EXTL3: variants seen among roughly 807,000 people sequenced by gnomAD.
EXTL3 encodes the protein exostosin-like 3.
In EXTL3, 27 loss-of-function variants were observed where a neutral mutation model predicts 69.3. That is an observed-to-expected ratio of 0.39 (90% CI 0.29 to 0.54). The LOEUF (loss-of-function observed/expected upper bound fraction) is 0.54. Ranked by LOEUF, EXTL3 falls within the 20% of genes least tolerant of loss-of-function variation. The pLI is 0.69. For synonymous variants in EXTL3, 511 were observed against 499.4 expected (o/e 1.02, Z -0.31); for missense variants, 1,003 against 1,231.8 (o/e 0.81, Z 2.78).
At chr8:28,720,639 G>A (rs1383543541) in intron 3 of EXTL3, among the ~76,000 whole-genome samples, 1 of 152,212 alleles carries the variant, frequency 6.6e-6, no homozygotes, top group African/African-American at 2.4e-5. Flanking sequence ...AATGCTCTGT[G>A]TAAAGAGAAC....
rs914286539 is a variant in EXTL3 at position 28,623,503 on chromosome 8, G to A, written c.-53+693G>A. Among the ~76,000 whole-genome samples the A allele has an allele frequency of 6.6e-6, 1 of 152,196 alleles. No individual in the cohort carries two copies. ...TTTTGTTGGTGTTTGTCCTCAGCCT[G>A]TTTCTGGGTCACCCTGCAGGGCTCC... On this transcript the variant is annotated intron_variant, in intron 1 of 6. Transcript: ENST00000523149. The surrounding 1 kb of genome is among the most constrained non-coding windows in gnomAD (Gnocchi z 4.2).
intron 5 of EXTL3, among the ~76,000 whole-genome samples, chr8:28,738,935 G>T (rs911478411): frequency 6.6e-6 from 1 of 152,132 alleles, no homozygotes; most frequent in African/African-American, 2.4e-5. Flanking sequence ...CATGGTTCTG[G>T]TGCCTCCACT....
Position 28,650,069 on chromosome 8 carries a change from A to G in EXTL3, c.-53+27259A>G, listed in dbSNP as rs556485442. 1.1e-3 allele frequency among the ~76,000 whole-genome samples: 174 copies of G among 151,716 alleles called. 5 individuals are homozygous for G. The highest frequency in any genetic ancestry group is 0.011 in the Admixed American group (173 of 15,210). ...AAATTAGCTGAGTGTGGTGGCGCAC[A>G]CCTATAATCCCAGCTACTCTGGAGG... On this transcript the variant is annotated intron_variant, in intron 1 of 6. Transcript: ENST00000523149.
chr8:28,611,371 T>C (rs777531798), intron 2 of EXTL3, among the ~76,000 whole-genome samples: 2 of 152,074 alleles, frequency 1.3e-5, no homozygotes, highest in Non-Finnish European at 1.5e-5. Flanking sequence ...GAGGATCACT[T>C]TGAGCCCAGG....
chr8:28,747,458 A>C lies in EXTL3; in HGVS notation c.2551-3199A>C, dbSNP rs192959401. Among the ~76,000 whole-genome samples the C allele has an allele frequency of 8.5e-5, 13 of 152,284 alleles. No homozygotes were observed. The East Asian group carries it at 2.5e-3, about 29-fold the overall frequency. The stretch of plus-strand genomic sequence containing the variant: ...TCTGGGACCTGGGCTCTGACGGCGC[A>C]TACTGGCTGTACACAATGATTACTC... On this transcript the variant is annotated intron_variant, in intron 6 of 6. Transcript: ENST00000220562.
At chr8:28,644,571 C>T (rs1806799073) in intron 1 of EXTL3, among the ~76,000 whole-genome samples, 1 of 152,002 alleles carries the variant, frequency 6.6e-6, no homozygotes. Context: ...CAGTGGTTCA[C>T]GCCTATAATC....
At chr8:28,655,433 C>G (rs1806992335) in intron 1 of EXTL3, among the ~76,000 whole-genome samples, 1 of 151,982 alleles carries the variant, frequency 6.6e-6, no homozygotes, top group African/African-American at 2.4e-5. Flanking sequence ...TTCTGAAACC[C>G]ATGCTCTTGT....
At chr8:28,748,796 GGGA>G (rs1801943949) in intron 6 of EXTL3, among the ~76,000 whole-genome samples, 2 of 152,116 alleles carry the variant, frequency 1.3e-5, no homozygotes, top group African/African-American at 4.8e-5. Context: ...CATGGGCTTA[GGGA>G]CTCATTCTGT....
intron 2 of EXTL3, among the ~76,000 whole-genome samples, chr8:28,610,740 G>GTT (rs1806260186): frequency 7.2e-6 from 1 of 139,208 alleles, no homozygotes; most frequent in Non-Finnish European, 1.6e-5. Context: ...GCCCAGATCT[G>GTT]TTTCTTTTTT....
At chr8:28,671,084 G>A (rs906103773) in intron 1 of EXTL3, among the ~76,000 whole-genome samples, 7 of 151,362 alleles carry the variant, frequency 4.6e-5, no homozygotes, top group Non-Finnish European at 7.4e-5. Context: ...GGGTTGAAGC[G>A]ATTCTCCTGC....
rs574279334 is a variant in EXTL3 at position 28,717,022 on chromosome 8, T to C, written c.963T>C (p.His321=). The change falls in exon 3 of 7, where the codon CAT becomes CAC. Residue 321 remains histidine, a synonymous_variant. Coordinates refer to ENST00000220562, the MANE Select transcript of EXTL3 (RefSeq NM_001440.4). This position sits in a 1 kb window ranked among gnomAD's most constrained non-coding sequence, Gnocchi z 8.3. ...GFDLVVSPLV[H]AMSEPNFMEI... ...ACTTGGTCGTATCACCGCTGGTCCA[T>C]GCCATGTCTGAGCCCAACTTCATGG... The C allele has an allele frequency of 6.8e-6, 11 of 1,614,254 alleles. No individual in the cohort carries two copies. The highest frequency in any genetic ancestry group is 9.3e-6 in the Non-Finnish European group (11 of 1,180,048).
At chr8:28,740,887 A>T (rs1390922961) in intron 5 of EXTL3, 4 of 152,190 alleles carry the variant, frequency 2.6e-5, no homozygotes, top group African/African-American at 9.6e-5. Context: ...ATGTTTTATT[A>T]TTTTTGAAAA....
At chr8:28,641,502 A>G (rs1806741487) in intron 1 of EXTL3, among the ~76,000 whole-genome samples, 1 of 152,178 alleles carries the variant, frequency 6.6e-6, no homozygotes, top group South Asian at 2.1e-4. Flanking sequence ...TTTTAAACGG[A>G]GTCTCACTCT....
chr8:28,644,748 T>G (rs1806801580), intron 1 of EXTL3, among the ~76,000 whole-genome samples: 1 of 152,218 alleles, frequency 6.6e-6, no homozygotes, highest in Non-Finnish European at 1.5e-5. Flanking sequence ...TTCAACTGAT[T>G]ATTTCAGTTA....
chr8:28,703,589 G>A (rs1800858357), intron 1 of EXTL3, among the ~76,000 whole-genome samples: 1 of 152,112 alleles, frequency 6.6e-6, no homozygotes, highest in Non-Finnish European at 1.5e-5. Flanking sequence ...GTGATGCGGA[G>A]TCCTTGTCTC....
At chr8:28,618,580 G>A (rs752589110), upstream of EXTL3, among the ~76,000 whole-genome samples, 3 of 152,138 alleles carry the variant, frequency 2.0e-5, no homozygotes, top group South Asian at 2.1e-4. Context: ...TGAACCTGGC[G>A]CAGCAAGGTT....
At chr8:28,682,156 T>C (rs1807500541) in intron 1 of EXTL3, among the ~76,000 whole-genome samples, 1 of 152,240 alleles carries the variant, frequency 6.6e-6, no homozygotes. Flanking sequence ...TGAGATGATA[T>C]TTCATTGTGG....
upstream of EXTL3, among the ~76,000 whole-genome samples, chr8:28,618,248 T>C (rs1806353422): frequency 6.6e-6 from 1 of 151,870 alleles, no homozygotes; most frequent in South Asian, 2.1e-4. Flanking sequence ...GGGTGGGTCC[T>C]CTGAAGTCAG....
At chr8:28,620,972 C>A (rs911794643), upstream of EXTL3, among the ~76,000 whole-genome samples, 3 of 152,196 alleles carry the variant, frequency 2.0e-5, no homozygotes, top group African/African-American at 7.2e-5. Flanking sequence ...CTCTCAGCCT[C>A]CCAAAGTGCT....
Sources: gnomAD v4.1 joint callset for allele counts (sites outside exome capture counted in the v4.1 genomes callset) on GRCh38, gnomAD v4.1.1 for gene constraint, Gnocchi (gnomAD v3.1) non-coding constraint, MANE v1.5 for transcripts, NCBI Gene and HGNC (gene_info 2026-07-23, HGNC 2026-07-21) for gene names.